Variants in LARP1B observed in about 807,000 individuals in gnomAD.
LARP1B encodes the protein La ribonucleoprotein 1B.
In LARP1B, 76 loss-of-function variants were observed where a neutral mutation model predicts 114.2. The observed-to-expected ratio is 0.67, with a 90% CI of 0.55 to 0.81. The LOEUF (loss-of-function observed/expected upper bound fraction) is 0.81, where lower values mean the gene tolerates loss of function less well. Among genes scored for constraint, LARP1B ranks in the 30% least tolerant of loss-of-function variants. LARP1B has a pLI of 0.00. For missense variants in LARP1B, 1,014 were observed against 1,075.8 expected (o/e 0.94, Z 0.80); for synonymous variants, 345 against 348.0 (o/e 0.99, Z 0.10).
At chr4:128,091,309 A>T in intron 6 of LARP1B, 38 bp from the exon 7 acceptor site, 1 of 1,561,172 alleles carries the variant, frequency 6.4e-7, no homozygotes, top group Admixed American at 1.9e-5. Context: ...TTTTTTTCTA[A>T]TATGTGATTA....
chr4:128,098,747 G>GTGTGTGTGTATATATATATATATA, intron 8 of LARP1B, among the ~76,000 whole-genome samples: 9 of 15,594 alleles, frequency 5.8e-4, no homozygotes, highest in Non-Finnish European at 1.0e-3. Context: ...ATATGTATGT[G>GTGTGTGTGTATATATATATATATA]TATATATATA....
At chr4:128,172,162 C>CT (rs200606271) in intron 12 of LARP1B, among the ~76,000 whole-genome samples, 41 of 150,750 alleles carry the variant, frequency 2.7e-4, no homozygotes, top group African/African-American at 5.3e-4. Context: ...TTTTCAATTT[C>CT]TTTTTTTTTC....
At chr4:128,126,724 C>T (rs933303019) in intron 11 of LARP1B, among the ~76,000 whole-genome samples, 2 of 151,278 alleles carry the variant, frequency 1.3e-5, no homozygotes, top group Admixed American at 1.3e-4. Context: ...TGATTTTCTA[C>T]AGTCTTTGCT....
chr4:128,176,014 A>T (rs1745713904), intron 12 of LARP1B, among the ~76,000 whole-genome samples: 1 of 151,104 alleles, frequency 6.6e-6, no homozygotes, highest in Admixed American at 6.6e-5. Context: ...AATTTCTTTC[A>T]CAAAGGTACT....
rs1759035408 is a variant in LARP1B, at chr4:128,211,852, T to A, written c.*1799T>A. Reference sequence around the variant, plus strand: ...TATATTATAAATGAAAATACAATAATCAGGAGTTTTGTGGTTTGTATTAAT... The same window carrying A: ...TATATTATAAATGAAAATACAATAAACAGGAGTTTTGTGGTTTGTATTAAT... On this transcript the variant is annotated 3_prime_UTR_variant, in exon 20 of 20. Transcript: ENST00000326639. The A allele has an allele frequency of 1.5e-6, 1 of 673,230 alleles. No individual in the cohort carries two copies. Among genetic ancestry groups the A allele is most frequent in the Non-Finnish European group, 1.8e-6 (1 of 545,132 alleles). 41.7% of individuals were successfully genotyped at this position (673,230 alleles called of 1,614,324 possible).
chr4:128,178,528 T>C lies in LARP1B; in HGVS notation c.1782T>C (p.Pro594=), dbSNP rs760374206. 1 of 1,614,050 alleles carries C rather than the reference T, an allele frequency of 6.2e-7. No individual in the cohort carries two copies. The highest frequency in any genetic ancestry group is 1.7e-5 in the Admixed American group (1 of 60,008). The stretch of plus-strand genomic sequence containing the variant: ...TGCCTACAGCAGTTCCAGAATCTCC[T>C]AGAATTCATCCTACAAGAACACCCA... The part of the protein sequence containing the change: ...HSLPTAVPES[P]RIHPTRTPKT... The change falls in exon 14 of 20, where the codon CCT becomes CCC. Residue 594 remains proline (P), a synonymous_variant. Transcript: ENST00000326639.
At chr4:128,082,430 A>C (rs901053975) in intron 5 of LARP1B, 125 bp downstream of exon 5, 2 of 739,454 alleles carry the variant, frequency 2.7e-6, no homozygotes, top group African/African-American at 3.5e-5. Context: ...TTTAACCCCA[A>C]ATACCTTCAG....
intron 12 of LARP1B, among the ~76,000 whole-genome samples, chr4:128,164,408 T>A (rs917232584): frequency 1.3e-5 from 2 of 152,114 alleles, no homozygotes; most frequent in Non-Finnish European, 2.9e-5. Context: ...ATAGAAAGCA[T>A]ACAAGTCACA....
At position 128,206,555 on chromosome 4, in the gene LARP1B, A is replaced by G. The variant is rs370695091; in HGVS notation, c.2419+18A>G. ...CGAATCTGGTAACAATAACATCAGA[A>G]AACTTGTACTCTAATTGGAAATTGT... On this transcript the variant is annotated intron_variant, in intron 18 of 19. Coordinates refer to ENST00000326639, the MANE Select transcript of LARP1B (RefSeq NM_018078.4). 18 of 1,590,422 alleles carry G rather than the reference A, an allele frequency of 1.1e-5. No individual in the cohort carries two copies. The African/African-American group carries it at 1.8e-4, about 16-fold the overall frequency.
At position 128,207,209 on chromosome 4, in the gene LARP1B, T is replaced by G. The variant is rs749127686; in HGVS notation, c.2420-47T>G. ...AGGATTATATTTAATGTGAATAATT[T>G]TTAAAATTTCATATAATTCATAATG... On this transcript the variant is annotated intron_variant, in intron 18 of 19. Transcript: ENST00000326639. 9.3e-5 allele frequency: 85 copies of G among 910,576 alleles called. 1 individual carries two copies. Among genetic ancestry groups the G allele is most frequent in the Non-Finnish European group, 1.2e-4 (82 of 668,448 alleles). The allele number at this position is 910,576 out of a possible 1,614,324, so 56.4% of individuals were successfully genotyped here. A position where few individuals can be genotyped will look rare whatever the true frequency, so the allele number is the denominator to read the frequency against.
intron 11 of LARP1B, chr4:128,155,725 G>A (rs1030672893): frequency 4.4e-6 from 7 of 1,608,084 alleles, no homozygotes; most frequent in Admixed American, 3.3e-5. Context: ...AGTAAGGCCC[G>A]AGCGGAACAA....
At position 128,070,971 on chromosome 4, in the gene LARP1B, G is replaced by A. The variant is rs1343045019; in HGVS notation, c.-77-3489G>A. 1.3e-5 allele frequency among the ~76,000 whole-genome samples: 2 copies of A among 152,074 alleles called. 1 individual carries two copies. The highest frequency in any genetic ancestry group is 6.3e-3 in the Middle Eastern group (2 of 316). On this transcript the variant is annotated intron_variant, in intron 1 of 19. Transcript: ENST00000326639. ...CTTTCTCTAGGGTAGATGCTGAGAA[G>A]TAGAATTGTTAGGTTATAGGGCATT...
chr4:128,129,958 G>A (rs748577996), intron 11 of LARP1B, among the ~76,000 whole-genome samples: 12 of 152,154 alleles, frequency 7.9e-5, no homozygotes, highest in Non-Finnish European at 1.5e-4. Context: ...GGCTTATCAT[G>A]ACTTTTTAGA....
intron 4 of LARP1B, among the ~76,000 whole-genome samples, chr4:128,079,203 T>G (rs191087575): frequency 1.5e-3 from 232 of 151,992 alleles, no homozygotes; most frequent in Non-Finnish European, 2.2e-3. Flanking sequence ...CTAGGAATTC[T>G]TCTGCCTCAG....
chr4:128,109,238 A>C (rs1783147988), intron 9 of LARP1B, among the ~76,000 whole-genome samples: 1 of 152,182 alleles, frequency 6.6e-6, no homozygotes, highest in Admixed American at 6.5e-5. Flanking sequence ...AATAGAGATA[A>C]GAAGCATAGA....
At position 128,121,865 on chromosome 4, in the gene LARP1B, T is replaced by TG; in HGVS notation, c.1202dup (p.Cys401TrpfsTer12). 1 of 1,608,890 alleles carries TG rather than the reference T, an allele frequency of 6.2e-7. No homozygotes were observed. The highest frequency in any genetic ancestry group is 8.5e-7 in the Non-Finnish European group (1 of 1,178,026). On this transcript the variant is annotated frameshift_variant, in exon 11 of 20. Transcript: ENST00000326639. LOFTEE classifies it high-confidence loss of function. ...CCCTGAAGGGTCATTAAATCAGCTA[T>TG]GTTCTTCAGAAGAACCAGAACAAGA... is the stretch of plus-strand genomic sequence containing the variant.
chr4:128,172,546 C>A (rs138853980), intron 12 of LARP1B, among the ~76,000 whole-genome samples: 1 of 151,606 alleles, frequency 6.6e-6, no homozygotes. Flanking sequence ...TACAAAAATT[C>A]GCTGGGTGTG....
At chr4:128,179,286 C>T (rs1049415089) in intron 14 of LARP1B, 120 bp from the exon 15 acceptor site, 1 of 515,540 alleles carries the variant, frequency 1.9e-6, no homozygotes, top group Non-Finnish European at 3.3e-6. Flanking sequence ...CATATGATTT[C>T]ACAATGTGTT....
In LARP1B at chr4:128,211,866, G is replaced by T. The variant is rs1759038314; in HGVS notation, c.*1813G>T. ...AAATACAATAATCAGGAGTTTTGTGGTTTGTATTAATTAGTAGTTTTATCA... is the reference window on the plus strand; with the variant it reads ...AAATACAATAATCAGGAGTTTTGTGTTTTGTATTAATTAGTAGTTTTATCA... On this transcript the variant is annotated 3_prime_UTR_variant, in exon 20 of 20. Coordinates refer to ENST00000326639, the MANE Select transcript of LARP1B (RefSeq NM_018078.4). The T allele has an allele frequency of 1.7e-6, 1 of 587,666 alleles. No homozygotes were observed. Among genetic ancestry groups the T allele is most frequent in the Admixed American group, 6.4e-5 (1 of 15,724 alleles). 36.4% of individuals were successfully genotyped at this position (587,666 alleles called of 1,614,324 possible). A position where few individuals can be genotyped will look rare whatever the true frequency, so the allele number is the denominator to read the frequency against.
Sources: gnomAD v4.1 joint callset for allele counts (sites outside exome capture counted in the v4.1 genomes callset) on GRCh38, gnomAD v4.1.1 for gene constraint, MANE v1.5 for transcripts, NCBI Gene and HGNC (gene_info 2026-07-23, HGNC 2026-07-21) for gene names.